The following B9D2 variants were observed in gnomAD, a reference collection of about 807,000 sequenced individuals.
B9D2 encodes B9 domain containing 2.
Under a neutral mutation model 19.2 loss-of-function variants are expected in B9D2, and 21 were observed. The observed-to-expected ratio is 1.09, with a 90% confidence interval of 0.78 to 1.58. The LOEUF (loss-of-function observed/expected upper bound fraction) is 1.58, where lower values mean the gene tolerates loss of function less well. Among genes scored for constraint, B9D2 ranks in the 40% most tolerant of loss-of-function variants. B9D2 has a pLI of 0.00. For missense variants in B9D2, 221 were observed against 244.3 expected (o/e 0.90, Z 0.64); for synonymous variants, 91 against 100.6 (o/e 0.90, Z 0.57).
At chr19:41,363,875 A>C (rs932430783) in intron 1 of B9D2, 83 bp downstream of exon 1, 9 of 505,630 alleles carry the variant, frequency 1.8e-5, no homozygotes, top group Admixed American at 3.3e-5. Context: ...TCCCTCCCCC[A>C]GCAAGCTCCA....
chr19:41,362,371 CAAAAAAAAAAA>C (rs777325237), intron 2 of B9D2, among the ~76,000 whole-genome samples: 4 of 58,382 alleles, frequency 6.9e-5, no homozygotes, highest in Admixed American at 2.2e-4. Flanking sequence ...GAACGAGTCT[CAAAAAAAAAAA>C]AAAAAAAAAA....
intron 3 of B9D2, among the ~76,000 whole-genome samples, chr19:41,357,287 G>A (rs997964305): frequency 2.0e-5 from 3 of 152,128 alleles, no homozygotes; most frequent in African/African-American, 7.2e-5. Context: ...AACCCTGTGA[G>A]GACAAGGCTA....
rs1040214024 is a variant in B9D2, at chr19:41,354,493, C to T, written c.*207G>A. 4.4e-6 allele frequency: 3 copies of T among 674,334 alleles called. No individual in the cohort carries two copies. Among genetic ancestry groups the T allele is most frequent in the Non-Finnish European group, 7.8e-6 (3 of 386,662 alleles). The allele number at this position is 674,334 out of a possible 1,614,324, so 41.8% of individuals were successfully genotyped here. On this transcript the variant is annotated 3_prime_UTR_variant, in exon 4 of 4. Transcript: ENST00000243578. Reference sequence around the variant, plus strand: ...CTCCTGTCACTCAACACCCTGCGACCCCATACATTTACTGTCCCCAATTTA... The same window carrying T: ...CTCCTGTCACTCAACACCCTGCGACTCCATACATTTACTGTCCCCAATTTA...
chr19:41,356,453 A>G (rs375601796), intron 3 of B9D2, among the ~76,000 whole-genome samples: 1 of 152,182 alleles, frequency 6.6e-6, no homozygotes, highest in Non-Finnish European at 1.5e-5. Flanking sequence ...GGAGGCCCCA[A>G]GAGCTGAAAG....
rs1465165250 is a variant in B9D2, at chr19:41,354,893, G to A, written c.335C>T (p.Thr112Met). 25 of 1,613,600 alleles carry A rather than the reference G, an allele frequency of 1.5e-5. No homozygotes were observed. Among genetic ancestry groups the A allele is most frequent in the Middle Eastern group, 3.3e-4 (2 of 6,082 alleles). ...TCGCCAACTGCCCAGGGGCCGCCAC[G>A]TGGGGCAGGCCAGCTGGTGGGTGCC... Reference protein sequence around the residue: ...SPGTHQLACPTWRPLGSWREQ... With the variant: ...SPGTHQLACPMWRPLGSWREQ... The change falls in exon 4 of 4, where the codon ACG becomes ATG. Residue 112 changes from threonine to methionine, a missense_variant. Thr to Met is a moderately conservative substitution (Grantham distance 81). Transcript: ENST00000243578.
At chr19:41,363,801 G>A (rs955754324) in intron 1 of B9D2, among the ~76,000 whole-genome samples, 157 bp downstream of exon 1, 1 of 152,224 alleles carries the variant, frequency 6.6e-6, no homozygotes, top group South Asian at 2.1e-4. Flanking sequence ...CCCGCCCGAA[G>A]GGGCTATGGC....
intron 2 of B9D2, among the ~76,000 whole-genome samples, chr19:41,362,364 C>T (rs969622198): frequency 5.5e-5 from 6 of 109,068 alleles, no homozygotes; most frequent in African/African-American, 2.2e-4. Flanking sequence ...GGAAACAGAA[C>T]GAGTCTCAAA....
Sources: gnomAD v4.1 joint callset for allele counts (sites outside exome capture counted in the v4.1 genomes callset) on GRCh38, gnomAD v4.1.1 for gene constraint, MANE v1.5 for transcripts, NCBI Gene and HGNC (gene_info 2026-07-23, HGNC 2026-07-21) for gene names.